ARHGEF10L: variants seen among roughly 807,000 people sequenced by gnomAD.
ARHGEF10L encodes Rho guanine nucleotide exchange factor 10 like, also known as rho guanine nucleotide exchange factor 10-like protein.
A neutral mutation model predicts 141.2 loss-of-function variants in ARHGEF10L; 69 were observed. The observed-to-expected ratio is 0.49, with a 90% confidence interval of 0.40 to 0.60. ARHGEF10L has a LOEUF of 0.60. ARHGEF10L is among the 20% of genes least tolerant of loss of function. The pLI, the probability that ARHGEF10L is intolerant of heterozygous loss-of-function variation, is 0.00. For missense variants in ARHGEF10L, 1,482 were observed against 1,734.3 expected, an observed-to-expected ratio of 0.85 and a Z score of 2.58; for synonymous variants, 711 against 718.5, an observed-to-expected ratio of 0.99 and a Z score of 0.17.
chr1:17,566,115 A>ATAGATTAACAGGACACAACCCT (rs1347270769), intron 1 of ARHGEF10L, among the ~76,000 whole-genome samples: 4 of 152,220 alleles, frequency 2.6e-5, no homozygotes, highest in Non-Finnish European at 5.9e-5. Context: ...TTAACAGGCC[A>ATAGATTAACAGGACACAACCCT]GCGTCTGCTA....
At chr1:17,632,710 T>C (rs908132991) in intron 16 of ARHGEF10L, among the ~76,000 whole-genome samples, 1 of 152,202 alleles carries the variant, frequency 6.6e-6, no homozygotes, top group Admixed American at 6.5e-5. Context: ...GGTACAGAGT[T>C]GTTTGTTTTG....
chr1:17,552,293 C>T (rs1308918457), intron 1 of ARHGEF10L, among the ~76,000 whole-genome samples: 1 of 152,128 alleles, frequency 6.6e-6, no homozygotes, highest in Non-Finnish European at 1.5e-5. Context: ...TTGGTTCCCT[C>T]GCCTGTAGAG....
intron 1 of ARHGEF10L, among the ~76,000 whole-genome samples, chr1:17,543,932 GC>G (rs1320232825): frequency 1.3e-5 from 2 of 151,256 alleles, no homozygotes; most frequent in African/African-American, 4.9e-5. Context: ...ACAGGCATGA[GC>G]CACCGCGCCT....
At chr1:17,537,461 G>A (rs1483004704), upstream of ARHGEF10L, among the ~76,000 whole-genome samples, 2 of 152,222 alleles carry the variant, frequency 1.3e-5, no homozygotes, top group Non-Finnish European at 2.9e-5. Context: ...CTGCCCTCAA[G>A]GCTGTATCAT....
chr1:17,595,918 G>T (rs936432003), intron 4 of ARHGEF10L, among the ~76,000 whole-genome samples: 5 of 152,210 alleles, frequency 3.3e-5, no homozygotes, highest in Admixed American at 2.6e-4. Context: ...TCATCTCACT[G>T]AATCCTCACA....
chr1:17,560,258 G>T (rs140323041), intron 1 of ARHGEF10L, among the ~76,000 whole-genome samples: 49 of 152,270 alleles, frequency 3.2e-4, no homozygotes, highest in African/African-American at 8.7e-4. Context: ...AGGCCAGCTC[G>T]GTTTACACAG....
intron 4 of ARHGEF10L, among the ~76,000 whole-genome samples, chr1:17,600,220 C>G (rs192363370): frequency 3.9e-5 from 6 of 152,354 alleles, no homozygotes; most frequent in Admixed American, 3.9e-4. Flanking sequence ...AGGTGCTCAA[C>G]AGCAGAGATC....
chr1:17,594,098 T>C (rs2079850079), intron 4 of ARHGEF10L, among the ~76,000 whole-genome samples: 1 of 151,792 alleles, frequency 6.6e-6, no homozygotes. Flanking sequence ...GGCCATGTTA[T>C]TTTTATGTGC....
rs1307045037 is a variant in ARHGEF10L, at chr1:17,673,548, G to A, written c.3009+8953G>A. Among the ~76,000 whole-genome samples, 2 of 152,174 alleles carry A rather than the reference G, an allele frequency of 1.3e-5. No individual in the cohort carries two copies. Among genetic ancestry groups the A allele is most frequent in the East Asian group, 1.9e-4 (1 of 5,184 alleles). On this transcript the variant is annotated intron_variant, in intron 26 of 28. Coordinates refer to ENST00000361221, the MANE Select transcript of ARHGEF10L (RefSeq NM_018125.4). This position sits in a 1 kb window ranked among gnomAD's most constrained non-coding sequence, Gnocchi z 4.1. ...AATGAATGAGGTCACATGTGCAGAG[G>A]GTGTAGGCTAGTGCCTAATGCACAC... is the stretch of plus-strand genomic sequence containing the variant.
chr1:17,647,332 C>T (rs916442293), intron 21 of ARHGEF10L, among the ~76,000 whole-genome samples: 7 of 152,134 alleles, frequency 4.6e-5, no homozygotes, highest in African/African-American at 1.7e-4. Context: ...CTGTGCTCAG[C>T]GATTGTGAAG....
chr1:17,616,233 T>A, intron 9 of ARHGEF10L, 31 bp downstream of exon 9: 15 of 899,322 alleles, frequency 1.7e-5, no homozygotes, highest in Non-Finnish European at 2.6e-5. Context: ...GAGGGTCTGG[T>A]GCCCAGCTCT....
chr1:17,522,246 C>T, the ARHGEF10L span, among the ~76,000 whole-genome samples: 8 of 152,160 alleles, frequency 5.3e-5, no homozygotes, highest in South Asian at 2.1e-4. Context: ...CCACCTTGCC[C>T]GTCTATTTAG....
chr1:17,587,506 G>C lies in ARHGEF10L; in HGVS notation c.84G>C (p.Glu28Asp). The C allele has an allele frequency of 6.2e-7, 1 of 1,614,166 alleles. No individual in the cohort carries two copies. The highest frequency in any genetic ancestry group is 8.5e-7 in the Non-Finnish European group (1 of 1,180,006). Residue 28 changes from glutamate (E) to aspartate (D), a missense_variant, in exon 3 of 29, where the codon GAG becomes GAC. Glu to Asp is a conservative substitution (Grantham distance 45). Transcript: ENST00000361221. ...PGVPGPSSEA[E>D]DDPGEAFEFD... is the part of the protein sequence containing the mutation. Reference sequence around the variant, plus strand: ...TCCCAGGCCCCTCCTCTGAGGCAGAGGACGACCCAGGAGAGGCGTTTGAGT... The same window carrying C: ...TCCCAGGCCCCTCCTCTGAGGCAGACGACGACCCAGGAGAGGCGTTTGAGT...
rs2060318195 is a variant in ARHGEF10L, at chr1:17,625,236, G to A, written c.1318-720G>A. Among the ~76,000 whole-genome samples the A allele has an allele frequency of 6.6e-6, 1 of 152,220 alleles. No individual in the cohort carries two copies. The highest frequency in any genetic ancestry group is 1.5e-5 in the Non-Finnish European group (1 of 68,040). On this transcript the variant is annotated intron_variant, in intron 13 of 28. Coordinates refer to ENST00000361221, the MANE Select transcript of ARHGEF10L (RefSeq NM_018125.4). This position sits in a 1 kb window ranked among gnomAD's most constrained non-coding sequence, Gnocchi z 4.5. ...AAAGACAGAGGAGAGCCTATATCAG[G>A]TGTAAGGATAGTGGAGCAAAGGTTA...
chr1:17,616,171 A>G lies in ARHGEF10L; in HGVS notation c.804A>G (p.Lys268=). The change falls in exon 9 of 29, where the codon AAA becomes AAG. Residue 268 remains lysine, a synonymous_variant. Transcript: ENST00000361221. ...LEKTRMAVMR[K]VSFLHRKDVL... is the part of the protein sequence containing the mutation. ...AGACACGGATGGCCGTGATGCGCAA[A>G]GTCTCCTTCCTGCACAGGAAGGACG... 6.3e-7 allele frequency: 1 copy of G among 1,595,714 alleles called. No individual in the cohort carries two copies.
At chr1:17,550,263 C>A (rs759736274) in intron 1 of ARHGEF10L, among the ~76,000 whole-genome samples, 1 of 152,074 alleles carries the variant, frequency 6.6e-6, no homozygotes, top group Non-Finnish European at 1.5e-5. Context: ...TGAAAGGAGA[C>A]GGTTAAGAGG....
rs774162296 is a variant in ARHGEF10L at position 17,664,579 on chromosome 1, C to T, written c.2993C>T (p.Thr998Ile). 1.3e-6 allele frequency: 2 copies of T among 1,598,452 alleles called. No individual in the cohort carries two copies. Among genetic ancestry groups the T allele is most frequent in the African/African-American group, 1.3e-5 (1 of 74,808 alleles). The change falls in exon 26 of 29, where the codon ACC (threonine) becomes ATC (isoleucine). Residue 998 changes from threonine (T) to isoleucine (I), a missense_variant. This residue lies in a region of ARHGEF10L where 858 missense variants were observed against 966.3 expected (regional missense o/e 0.89). Transcript: ENST00000361221. ...CGPRVTVLEA[T>I]TLQPQQSFEA... is the part of the protein sequence containing the mutation. ...CCCCGGGTCACTGTCCTGGAAGCCA[C>T]CACCCTGCAGCCTCAGGTACTGCAC...
upstream of ARHGEF10L, among the ~76,000 whole-genome samples, chr1:17,538,414 A>G (rs1410468482): frequency 6.6e-6 from 1 of 152,198 alleles, no homozygotes; most frequent in Non-Finnish European, 1.5e-5. Context: ...TCTCCTGCCT[A>G]CTTAAACTAT....
intron 7 of ARHGEF10L, among the ~76,000 whole-genome samples, chr1:17,612,750 C>T (rs2059612901): frequency 6.6e-6 from 1 of 152,218 alleles, no homozygotes; most frequent in Admixed American, 6.5e-5. Context: ...TTTCCCTTTT[C>T]CCTAAGACAG....
Sources: gnomAD v4.1 joint callset for allele counts (sites outside exome capture counted in the v4.1 genomes callset) on GRCh38, gnomAD v4.1.1 for gene constraint, gnomAD v4.1.1 regional missense constraint, Gnocchi (gnomAD v3.1) non-coding constraint, MANE v1.5 for transcripts, NCBI Gene and HGNC (gene_info 2026-07-23, HGNC 2026-07-21) for gene names.